The following HPSE2 variants were observed in gnomAD, a reference collection of about 807,000 sequenced individuals.
The protein encoded by HPSE2 is inactive heparanase-2.
HPSE2 carries 38 observed loss-of-function variants against 60.5 expected under a neutral mutation model. That is an observed-to-expected ratio of 0.63 (90% CI 0.48 to 0.82). The LOEUF is 0.82. HPSE2 is among the 40% of genes least tolerant of loss of function. The probability of loss-of-function intolerance (pLI) is 0.00; values close to 1 mark genes in which losing one functional copy is unlikely to be tolerated. For missense variants in HPSE2, 713 were observed against 740.4 expected, an observed-to-expected ratio of 0.96 and a Z score of 0.43; for synonymous variants, 295 against 293.2, an observed-to-expected ratio of 1.01 and a Z score of -0.06.
intron 3 of HPSE2, among the ~76,000 whole-genome samples, chr10:99,141,895 A>G (rs547823592): frequency 2.8e-4 from 42 of 152,208 alleles, no homozygotes; most frequent in Non-Finnish European, 5.3e-4. Flanking sequence ...CTGATATCTT[A>G]GTTGTCCCAT....
At chr10:98,869,580 C>T (rs115667892) in intron 3 of HPSE2, among the ~76,000 whole-genome samples, 4 of 152,106 alleles carry the variant, frequency 2.6e-5, no homozygotes, top group Non-Finnish European at 4.4e-5. Context: ...TATACAGTTC[C>T]GTCACAGACT....
chr10:98,650,310 T>G (rs1245653992), intron 6 of HPSE2, among the ~76,000 whole-genome samples: 1 of 152,170 alleles, frequency 6.6e-6, no homozygotes, highest in Non-Finnish European at 1.5e-5. Flanking sequence ...GACTGTCACG[T>G]TAGTGAGAAG....
chr10:98,945,281 C>T (rs1955147310), intron 3 of HPSE2, among the ~76,000 whole-genome samples: 2 of 152,000 alleles, frequency 1.3e-5, no homozygotes, highest in Non-Finnish European at 2.9e-5. Context: ...TTTATAATTC[C>T]CCAAGTTGTT....
chr10:99,057,711 T>C (rs1237648925), intron 3 of HPSE2, among the ~76,000 whole-genome samples: 1 of 152,214 alleles, frequency 6.6e-6, no homozygotes, highest in East Asian at 1.9e-4. Context: ...AAGACTGACC[T>C]TTCCCAACAT....
chr10:99,093,250 C>G (rs1254950760), intron 3 of HPSE2, among the ~76,000 whole-genome samples: 2 of 151,798 alleles, frequency 1.3e-5, no homozygotes, highest in African/African-American at 4.8e-5. Flanking sequence ...ATCGCCCTTT[C>G]TACCACTCAG....
rs550328262 is a variant in HPSE2 at position 99,168,082 on chromosome 10, C to T, written c.449-23683G>A. ...CTCTGCATCTATTGAGGTGATCAGC[C>T]TATTTACACACACACACACACACAC... On this transcript the variant is annotated intron_variant, in intron 2 of 11. Transcript: ENST00000370552. Among the ~76,000 whole-genome samples, 39 of 99,860 alleles carry T rather than the reference C, an allele frequency of 3.9e-4. No homozygotes were observed. The East Asian group carries it at 8.0e-3, about 20-fold the overall frequency. 65.5% of individuals were successfully genotyped at this position (99,860 alleles called of 152,430 possible).
intron 5 of HPSE2, among the ~76,000 whole-genome samples, chr10:98,714,847 T>G (rs982222624): frequency 6.6e-6 from 1 of 151,868 alleles, no homozygotes; most frequent in Non-Finnish European, 1.5e-5. Flanking sequence ...TACTTGTTAT[T>G]GTATATAATC....
At chr10:98,640,772 C>T (rs896700561) in intron 7 of HPSE2, among the ~76,000 whole-genome samples, 3 of 152,082 alleles carry the variant, frequency 2.0e-5, no homozygotes, top group African/African-American at 7.2e-5. Context: ...ATTTTAGAGG[C>T]CCATGGCAAT....
chr10:98,884,316 C>A (rs1953105901), intron 3 of HPSE2, among the ~76,000 whole-genome samples: 1 of 152,126 alleles, frequency 6.6e-6, no homozygotes, highest in Non-Finnish European at 1.5e-5. Flanking sequence ...TCCAGAAGAT[C>A]TAGCCAAGGT....
At chr10:98,693,694 T>C (rs1406845889) in intron 6 of HPSE2, among the ~76,000 whole-genome samples, 1 of 152,236 alleles carries the variant, frequency 6.6e-6, no homozygotes, top group Non-Finnish European at 1.5e-5. Context: ...AGTTGTTTTC[T>C]TAAATTTTTC....
chr10:98,830,587 A>G (rs953486488), intron 3 of HPSE2, among the ~76,000 whole-genome samples: 18 of 152,210 alleles, frequency 1.2e-4, no homozygotes, highest in Non-Finnish European at 2.4e-4. Flanking sequence ...TACTAAGTCT[A>G]ATTCTATAGA....
At chr10:99,022,355 G>C (rs941511877) in intron 3 of HPSE2, among the ~76,000 whole-genome samples, 5 of 152,128 alleles carry the variant, frequency 3.3e-5, no homozygotes, top group African/African-American at 1.2e-4. Context: ...TTGAGTGCCT[G>C]CAAACCTTGC....
intron 3 of HPSE2, among the ~76,000 whole-genome samples, chr10:98,986,912 C>T (rs954655806): frequency 3.3e-5 from 5 of 152,120 alleles, no homozygotes; most frequent in African/African-American, 9.7e-5. Context: ...ATAAATTTCT[C>T]GGCACATAAA....
intron 3 of HPSE2, among the ~76,000 whole-genome samples, chr10:99,059,864 G>C (rs1167592467): frequency 6.6e-6 from 1 of 152,018 alleles, no homozygotes; most frequent in Non-Finnish European, 1.5e-5. Flanking sequence ...CAGTCTAGTT[G>C]TAGAAGCATA....
rs183428879 is a variant in HPSE2, at chr10:98,466,647, C to T, written c.1614-6908G>A. Among the ~76,000 whole-genome samples, 512 of 151,858 alleles carry T rather than the reference C, an allele frequency of 3.4e-3. 1 individual carries two copies. The highest frequency in any genetic ancestry group is 5.6e-3 in the Non-Finnish European group (380 of 67,960). On this transcript the variant is annotated intron_variant, in intron 11 of 11. Transcript: ENST00000370552. ...AAAAAAGAAAAGAAAATCAGTTCTG[C>T]CTCACCCACCTTCAGAACATTTGCC... is the stretch of plus-strand genomic sequence containing the variant.
rs564138016 is a variant in HPSE2, at chr10:99,088,657, A to G, written c.610+55581T>C. On this transcript the variant is annotated intron_variant, in intron 3 of 11. Coordinates refer to ENST00000370552, the MANE Select transcript of HPSE2 (RefSeq NM_021828.5). ...TTTTGCAACTGTGAATTGCACTGCT[A>G]TAAACATGCATGTGCAAGTATCTTT... Among the ~76,000 whole-genome samples, 4 of 152,350 alleles carry G rather than the reference A, an allele frequency of 2.6e-5. No individual in the cohort carries two copies. In the East Asian group the frequency reaches 7.7e-4, roughly 29 times the overall value.
At chr10:98,739,271 A>T (rs1300845975) in intron 4 of HPSE2, among the ~76,000 whole-genome samples, 2 of 152,080 alleles carry the variant, frequency 1.3e-5, no homozygotes, top group Non-Finnish European at 2.9e-5. Context: ...GAGGTGAATA[A>T]TGAGAACATA....
rs192673824 is a variant in HPSE2 at position 98,798,324 on chromosome 10, C to T, written c.611-54268G>A. ...CACCACACCTGTCTTACAAGAAATG[C>T]TAATGGGAGTTCTTCATTCTGAAAG... On this transcript the variant is annotated intron_variant, in intron 3 of 11. Transcript: ENST00000370552. 1.1e-3 allele frequency among the ~76,000 whole-genome samples: 174 copies of T among 152,224 alleles called. 3 individuals carry two copies. The highest frequency in any genetic ancestry group is 3.9e-3 in the African/African-American group (161 of 41,534).
At chr10:98,993,389 G>A (rs1226522913) in intron 3 of HPSE2, among the ~76,000 whole-genome samples, 2 of 152,194 alleles carry the variant, frequency 1.3e-5, no homozygotes, top group African/African-American at 4.8e-5. Context: ...GAATATGGTT[G>A]TCCTCTTGGA....
Sources: allele counts gnomAD v4.1 joint callset (sites outside exome capture counted in the v4.1 genomes callset), GRCh38; gene constraint gnomAD v4.1.1; transcripts MANE v1.5; gene names NCBI Gene and HGNC (gene_info 2026-07-23, HGNC 2026-07-21).